Variants in KDM4C observed in about 807,000 individuals in gnomAD.
KDM4C encodes lysine demethylase 4C.
In KDM4C, 81 loss-of-function variants were observed where a neutral mutation model predicts 129.3. The ratio of observed to expected loss-of-function variants is 0.63; its 90% CI spans 0.52 to 0.75. The LOEUF is 0.75. KDM4C is among the 30% of genes least tolerant of loss of function. The pLI, the probability that KDM4C is intolerant of heterozygous loss-of-function variation, is 0.00. For synonymous variants in KDM4C, 573 were observed against 456.1 expected, an observed-to-expected ratio of 1.26 and a Z score of -3.26; for missense variants, 1,457 against 1,304.0, an observed-to-expected ratio of 1.12 and a Z score of -1.81.
intron 15 of KDM4C, among the ~76,000 whole-genome samples, chr9:7,019,648 C>G (rs1200594895): frequency 1.4e-5 from 2 of 138,124 alleles, no homozygotes; most frequent in Non-Finnish European, 3.1e-5. Flanking sequence ...TGTGGTGGTT[C>G]TATTTTTTAA....
At chr9:6,874,398 C>T (rs1444844685) in intron 5 of KDM4C, among the ~76,000 whole-genome samples, 2 of 152,138 alleles carry the variant, frequency 1.3e-5, no homozygotes, top group Non-Finnish European at 2.9e-5. Context: ...GGCTTTTTAC[C>T]TCCTATCATT....
At chr9:6,996,596 CT>C (rs1819791389) in intron 12 of KDM4C, among the ~76,000 whole-genome samples, 1 of 152,184 alleles carries the variant, frequency 6.6e-6, no homozygotes, top group South Asian at 2.1e-4. Flanking sequence ...CAATTGTAAA[CT>C]AAGGACAAGC....
intron 19 of KDM4C, among the ~76,000 whole-genome samples, chr9:7,139,104 T>C (rs1224261943): frequency 6.6e-6 from 1 of 151,932 alleles, no homozygotes; most frequent in Non-Finnish European, 1.5e-5. Flanking sequence ...AAAACCCATC[T>C]CTACAAAAAA....
intron 1 of KDM4C, among the ~76,000 whole-genome samples, chr9:6,790,957 T>C (rs1316759926): frequency 6.6e-6 from 1 of 152,200 alleles, no homozygotes; most frequent in Non-Finnish European, 1.5e-5. Flanking sequence ...CTTTCCTTTC[T>C]ATGCTCCAGA....
chr9:6,879,129 T>A (rs1004953626), intron 5 of KDM4C, among the ~76,000 whole-genome samples: 1 of 152,220 alleles, frequency 6.6e-6, no homozygotes. Flanking sequence ...AAGAAGTAAC[T>A]TGTACTAAGT....
At chr9:6,894,197 G>A (rs2130908420) in intron 8 of KDM4C, among the ~76,000 whole-genome samples, 1 of 152,314 alleles carries the variant, frequency 6.6e-6, no homozygotes, top group Non-Finnish European at 1.5e-5. Flanking sequence ...TGTGTATTTA[G>A]AAAATTGCAT....
At chr9:6,852,471 A>G (rs1839026585) in intron 5 of KDM4C, among the ~76,000 whole-genome samples, 1 of 152,148 alleles carries the variant, frequency 6.6e-6, no homozygotes, top group Admixed American at 6.5e-5. Context: ...TCATGATCAG[A>G]GTCACAGGAA....
chr9:6,814,799 G>C lies in KDM4C; in HGVS notation c.435+54G>C, dbSNP rs757643232. 3.7e-5 allele frequency: 44 copies of C among 1,184,340 alleles called. No individual in the cohort carries two copies. The Admixed American group carries it at 7.8e-4, about 21-fold the overall frequency. The allele number at this position is 1,184,340 out of a possible 1,614,324, so 73.4% of individuals were successfully genotyped here. ...AAAGATCATTGGATGTGACAGTTTT[G>C]TTACCATTTAAGCAGTTTAGAAGTG... On this transcript the variant is annotated intron_variant, in intron 4 of 21. Coordinates refer to ENST00000381309, the MANE Select transcript of KDM4C (RefSeq NM_015061.6).
intron 8 of KDM4C, among the ~76,000 whole-genome samples, chr9:6,974,445 C>T (rs766294418): frequency 8.5e-5 from 13 of 152,316 alleles, no homozygotes; most frequent in East Asian, 5.8e-4. Flanking sequence ...CTGCAACCTA[C>T]GCCTCTTGGG....
intron 8 of KDM4C, chr9:6,925,650 G>T (rs1221253232): frequency 1.7e-5 from 17 of 985,192 alleles, no homozygotes; most frequent in Non-Finnish European, 1.8e-5. Flanking sequence ...CACCGTTTCA[G>T]AAAGATGCTG....
chr9:6,743,602 G>C (rs995422641), intron 1 of KDM4C, among the ~76,000 whole-genome samples: 1 of 151,766 alleles, frequency 6.6e-6, no homozygotes, highest in African/African-American at 2.4e-5. Flanking sequence ...CTGCCTCCTG[G>C]ATTCAAGTGA....
chr9:6,787,805 A>G (rs952481870), intron 1 of KDM4C, among the ~76,000 whole-genome samples: 1 of 152,234 alleles, frequency 6.6e-6, no homozygotes, highest in African/African-American at 2.4e-5. Context: ...CAGATGGTCC[A>G]GAAAAGTTTC....
At chr9:6,757,681 G>T (rs925874868), upstream of KDM4C, 2 of 985,374 alleles carry the variant, frequency 2.0e-6, no homozygotes, top group Non-Finnish European at 2.4e-6. Flanking sequence ...CGTGTGGCGC[G>T]TGGACTACAT....
At chr9:6,856,261 T>G (rs1839790498) in intron 5 of KDM4C, among the ~76,000 whole-genome samples, 1 of 141,928 alleles carries the variant, frequency 7.0e-6, no homozygotes. Flanking sequence ...TAATAACTCA[T>G]ACTTGTTAAT....
intron 1 of KDM4C, among the ~76,000 whole-genome samples, chr9:6,787,950 G>T (rs906671732): frequency 2.0e-5 from 3 of 152,186 alleles, no homozygotes; most frequent in Non-Finnish European, 4.4e-5. Flanking sequence ...TTTCTCCCCA[G>T]TTTCATTTCT....
At chr9:6,862,600 C>A (rs1193448470) in intron 5 of KDM4C, among the ~76,000 whole-genome samples, 1 of 152,030 alleles carries the variant, frequency 6.6e-6, no homozygotes, top group Non-Finnish European at 1.5e-5. Context: ...GTCAGGAGTT[C>A]GAGACCAGCC....
At chr9:6,778,731 C>T (rs1008964638) in intron 1 of KDM4C, among the ~76,000 whole-genome samples, 4 of 151,702 alleles carry the variant, frequency 2.6e-5, no homozygotes, top group African/African-American at 9.7e-5. Context: ...CATGCCACTA[C>T]ACTCCAGCCT....
At chr9:6,743,020 A>C (rs1313763918) in intron 1 of KDM4C, among the ~76,000 whole-genome samples, 1 of 152,144 alleles carries the variant, frequency 6.6e-6, no homozygotes, top group East Asian at 1.9e-4. Context: ...AAAAAATAAA[A>C]CAAAAATCCT....
At chr9:7,088,155 T>G (rs1835361854) in intron 17 of KDM4C, among the ~76,000 whole-genome samples, 1 of 152,220 alleles carries the variant, frequency 6.6e-6, no homozygotes, top group African/African-American at 2.4e-5. Context: ...GGCTCCCCCG[T>G]ATCCACTTGC....
Sources: gnomAD v4.1 joint callset for allele counts (sites outside exome capture counted in the v4.1 genomes callset) on GRCh38, gnomAD v4.1.1 for gene constraint, MANE v1.5 for transcripts, NCBI Gene and HGNC (gene_info 2026-07-23, HGNC 2026-07-21) for gene names.